The following CLCN3 variants were observed in gnomAD, a reference collection of about 807,000 sequenced individuals.
CLCN3 encodes the protein Cl-/H+ antiporter 3.
Under a neutral mutation model 83.4 loss-of-function variants are expected in CLCN3, and 16 were observed. The observed-to-expected ratio is 0.19, with a 90% CI of 0.13 to 0.29. The LOEUF is 0.29. CLCN3 is among the 10% of genes least tolerant of loss of function. CLCN3 has a pLI of 1.00. For missense variants in CLCN3, 544 were observed against 1,006.0 expected (o/e 0.54, Z 6.21); for synonymous variants, 322 against 346.2 (o/e 0.93, Z 0.78).
chr4:169,695,638 G>T lies in CLCN3; in HGVS notation c.963G>T (p.Gly321=). 1 of 1,613,532 alleles carries T rather than the reference G, an allele frequency of 6.2e-7. No homozygotes were observed. The highest frequency in any genetic ancestry group is 2.2e-5 in the East Asian group (1 of 44,836). ...TGCTATCAGCTGCCTCAGCTGCAGG[G>T]GTTTCTGTAGCTTTTGGTGCACCAA... ...REVLSAASAA[G]VSVAFGAPIG... Residue 321 remains glycine (G), a synonymous_variant, in exon 8 of 13, where the codon GGG becomes GGT. Coordinates refer to ENST00000513761, the MANE Select transcript of CLCN3 (RefSeq NM_001829.4).
rs1404941685 is a variant in CLCN3, at chr4:169,721,503, A to G, written c.*1506A>G. 6.6e-6 allele frequency: 1 copy of G among 151,968 alleles called. No individual in the cohort carries two copies. The highest frequency in any genetic ancestry group is 2.4e-5 in the African/African-American group (1 of 41,180). 9.4% of individuals were successfully genotyped at this position (151,968 alleles called of 1,614,324 possible). On this transcript the variant is annotated 3_prime_UTR_variant, in exon 13 of 13. Coordinates refer to ENST00000513761, the MANE Select transcript of CLCN3 (RefSeq NM_001829.4). ...GAAAAACTACATTACTTTGGAGAAT[A>G]AAACCGAAAGTTCGTGTATACCTTC... is the stretch of plus-strand genomic sequence containing the variant.
chr4:169,685,352 AG>A (rs1274295456), intron 3 of CLCN3, among the ~76,000 whole-genome samples: 2 of 152,176 alleles, frequency 1.3e-5, no homozygotes, highest in Admixed American at 6.5e-5. Context: ...AAAGAAGTCT[AG>A]TTTCTATCTC....
chr4:169,672,993 C>A (rs1731537071), intron 2 of CLCN3, among the ~76,000 whole-genome samples: 1 of 152,086 alleles, frequency 6.6e-6, no homozygotes, highest in Admixed American at 6.6e-5. Flanking sequence ...ATCTAGGTTT[C>A]ATTCAGAGAA....
chr4:169,721,521 A>G lies in CLCN3; in HGVS notation c.*1524A>G, dbSNP rs989441656. 4.0e-5 allele frequency: 6 copies of G among 149,598 alleles called. No individual in the cohort carries two copies. The highest frequency in any genetic ancestry group is 6.6e-5 in the Admixed American group (1 of 15,246). The allele number at this position is 149,598 out of a possible 1,614,324, so 9.3% of individuals were successfully genotyped here. Reference sequence around the variant, plus strand: ...GGAGAATAAAACCGAAAGTTCGTGTATACCTTCTTAAAAAAAAAATCAAAC... The same window carrying G: ...GGAGAATAAAACCGAAAGTTCGTGTGTACCTTCTTAAAAAAAAAATCAAAC... On this transcript the variant is annotated 3_prime_UTR_variant, in exon 13 of 13. Transcript: ENST00000513761.
intron 2 of CLCN3, chr4:169,660,353 A>G (rs1435048096): frequency 1.4e-6 from 2 of 1,383,640 alleles, no homozygotes; most frequent in East Asian, 2.9e-5. Context: ...TTCTTCTTCT[A>G]TTTAAAAATT....
intron 2 of CLCN3, among the ~76,000 whole-genome samples, chr4:169,643,490 A>G (rs1233835870): frequency 6.6e-6 from 1 of 152,102 alleles, no homozygotes; most frequent in African/African-American, 2.4e-5. Flanking sequence ...TCGGCCTCCC[A>G]AAGTGTTAGG....
rs1733665393 is a variant in CLCN3 at position 169,722,365 on chromosome 4, T to A, written c.*2368T>A. 1 of 152,222 alleles carries A rather than the reference T, an allele frequency of 6.6e-6. No homozygotes were observed. Among genetic ancestry groups the A allele is most frequent in the African/African-American group, 2.4e-5 (1 of 41,460 alleles). The allele number at this position is 152,222 out of a possible 1,614,324, so 9.4% of individuals were successfully genotyped here. On this transcript the variant is annotated 3_prime_UTR_variant, in exon 13 of 13. Transcript: ENST00000513761. ...TTATTACTTCTCTCCTTTGACAGAC[T>A]TCAAGTTTTCTTCATAGCCCTTTCA...
intron 2 of CLCN3, chr4:169,660,504 G>A: frequency 8.2e-7 from 1 of 1,226,186 alleles, no homozygotes; most frequent in Non-Finnish European, 1.0e-6. Flanking sequence ...ATGCGGCTGG[G>A]CGGTCCTCTA....
intron 9 of CLCN3, among the ~76,000 whole-genome samples, chr4:169,698,938 A>G (rs1272270896): frequency 6.6e-6 from 1 of 152,184 alleles, no homozygotes; most frequent in African/African-American, 2.4e-5. Context: ...CTCTTGTCTC[A>G]TCACCCTGAC....
Position 169,720,314 on chromosome 4 carries a change from A to G in CLCN3, c.*317A>G. The G allele has an allele frequency of 2.7e-6, 1 of 364,558 alleles. No homozygotes were observed. 22.6% of individuals were successfully genotyped at this position (364,558 alleles called of 1,614,324 possible). A position where few individuals can be genotyped will look rare whatever the true frequency, so the allele number is the denominator to read the frequency against. On this transcript the variant is annotated 3_prime_UTR_variant, in exon 13 of 13. Transcript: ENST00000513761. Reference sequence around the variant, plus strand: ...CCTGATAGTGCAGGCTTGCGCCTCAACAGAGATGACAGCAGAGTCCTCGAG... The same window carrying G: ...CCTGATAGTGCAGGCTTGCGCCTCAGCAGAGATGACAGCAGAGTCCTCGAG...
At chr4:169,668,732 T>C (rs955835563) in intron 2 of CLCN3, among the ~76,000 whole-genome samples, 1 of 120,786 alleles carries the variant, frequency 8.3e-6, no homozygotes, top group Non-Finnish European at 1.8e-5. Flanking sequence ...AGTTTTTGAT[T>C]TTTTTTTTTT....
At chr4:169,691,539 TTAAA>T (rs1370677268) in intron 6 of CLCN3, among the ~76,000 whole-genome samples, 1 of 152,204 alleles carries the variant, frequency 6.6e-6, no homozygotes, top group Non-Finnish European at 1.5e-5. Flanking sequence ...TTTTCTGTAG[TTAAA>T]TAAGTTACCA....
intron 2 of CLCN3, chr4:169,660,485 A>T (rs1187133872): frequency 7.8e-7 from 1 of 1,279,482 alleles, no homozygotes. Context: ...CTCTGTTGGT[A>T]TGTTTTGCAT....
intron 2 of CLCN3, chr4:169,663,106 T>C (rs1731112095): frequency 6.6e-6 from 1 of 151,198 alleles, no homozygotes; most frequent in Non-Finnish European, 1.5e-5. Flanking sequence ...TTTAATTGTT[T>C]CATTCAGAGT....
At chr4:169,663,451 T>A (rs1731136300) in intron 2 of CLCN3, 9 of 253,626 alleles carry the variant, frequency 3.5e-5, no homozygotes, top group South Asian at 3.1e-4. Context: ...CGTCTCACCC[T>A]CCTTGGTACC....
intron 2 of CLCN3, among the ~76,000 whole-genome samples, chr4:169,679,109 G>T (rs566999952): frequency 1.3e-5 from 2 of 151,696 alleles, no homozygotes; most frequent in East Asian, 3.9e-4. Context: ...CGGCTGCCGG[G>T]CGGAGGGGCT....
In CLCN3 at chr4:169,704,139, A is replaced by G; in HGVS notation, c.1705A>G (p.Ile569Val). The change falls in exon 10 of 13, where the codon ATT (isoleucine) becomes GTT (valine). Residue 569 changes from isoleucine to valine, a missense_variant. Ile to Val is a conservative substitution (Grantham distance 29). This residue lies in a region of CLCN3 where 27 missense variants were observed against 100.2 expected (regional missense o/e 0.27). Transcript: ENST00000513761. ...GTGGTGTGAGGTCGGGGCTGATTGCATTACACCTGGCCTTTATGCCATGGT... is the reference window on the plus strand; with the variant it reads ...GTGGTGTGAGGTCGGGGCTGATTGCGTTACACCTGGCCTTTATGCCATGGT... ...KEWCEVGADC[I>V]TPGLYAMVGA... 1 of 1,613,810 alleles carries G rather than the reference A, an allele frequency of 6.2e-7. No individual in the cohort carries two copies. The highest frequency in any genetic ancestry group is 8.5e-7 in the Non-Finnish European group (1 of 1,179,958).
At chr4:169,623,771 T>G (rs1403045122) in intron 1 of CLCN3, among the ~76,000 whole-genome samples, 2 of 152,148 alleles carry the variant, frequency 1.3e-5, no homozygotes, top group African/African-American at 2.4e-5. Flanking sequence ...GCAGTATTTG[T>G]TTTTTTGTGT....
In CLCN3 at chr4:169,704,270, T is replaced by C. The variant is rs1732906432; in HGVS notation, c.1750+86T>C. On this transcript the variant is annotated intron_variant, in intron 10 of 12. Coordinates refer to ENST00000513761, the MANE Select transcript of CLCN3 (RefSeq NM_001829.4). ...GTGGGACACATTCTTGCTTAATTGG[T>C]GGGCGGATTGGTTGAGTAAAGGAGG... is the stretch of plus-strand genomic sequence containing the variant. 5 of 1,296,034 alleles carry C rather than the reference T, an allele frequency of 3.9e-6. No homozygotes were observed. The South Asian group carries it at 6.9e-5, about 18-fold the overall frequency. The allele number at this position is 1,296,034 out of a possible 1,614,324, so 80.3% of individuals were successfully genotyped here. A position where few individuals can be genotyped will look rare whatever the true frequency, so the allele number is the denominator to read the frequency against.
Sources: allele counts gnomAD v4.1 joint callset (sites outside exome capture counted in the v4.1 genomes callset), GRCh38; gene constraint gnomAD v4.1.1; regional missense constraint gnomAD v4.1.1; transcripts MANE v1.5; gene names NCBI Gene and HGNC (gene_info 2026-07-23, HGNC 2026-07-21).